UGGT1: variants seen among roughly 807,000 people sequenced by gnomAD.
UGGT1 encodes UDP-glucose:glycoprotein glucosyltransferase 1.
In UGGT1, 107 loss-of-function variants were observed where a neutral mutation model predicts 203.9. That is an observed-to-expected ratio of 0.52 (90% CI 0.45 to 0.62). UGGT1 has a LOEUF of 0.62. Ranked by LOEUF, UGGT1 falls within the 20% of genes least tolerant of loss-of-function variation. UGGT1 has a pLI of 0.00. For missense variants in UGGT1, 1,673 were observed against 1,867.2 expected, an observed-to-expected ratio of 0.90 and a Z score of 1.92; for synonymous variants, 628 against 653.5, an observed-to-expected ratio of 0.96 and a Z score of 0.59.
chr2:128,143,240 T>G lies in UGGT1; in HGVS notation c.1851+15T>G. On this transcript the variant is annotated intron_variant, in intron 17 of 40. Transcript: ENST00000259253. Reference sequence around the variant, plus strand: ...GGAATCGGAAGGTAAAAAATTTCTTTGTGTTTCTTATTTGATTGCAACATT... The same window carrying G: ...GGAATCGGAAGGTAAAAAATTTCTTGGTGTTTCTTATTTGATTGCAACATT... 6.2e-7 allele frequency: 1 copy of G among 1,612,440 alleles called. No individual in the cohort carries two copies. Among genetic ancestry groups the G allele is most frequent in the Non-Finnish European group, 8.5e-7 (1 of 1,179,256 alleles).
rs116732268 is a variant in UGGT1, at chr2:128,107,430, A to T, written c.278-508A>T. Reference sequence around the variant, plus strand: ...GTTTAGTTTTTGGAGTAGTTACCATATGCTAGGCATCATGGATATAAGGAT... The same window carrying T: ...GTTTAGTTTTTGGAGTAGTTACCATTTGCTAGGCATCATGGATATAAGGAT... On this transcript the variant is annotated intron_variant, in intron 3 of 40. Coordinates refer to ENST00000259253, the MANE Select transcript of UGGT1 (RefSeq NM_020120.4). Among the ~76,000 whole-genome samples the T allele has an allele frequency of 4.4e-3, 673 of 152,332 alleles. 2 individuals are homozygous for T. Among genetic ancestry groups the T allele is most frequent in the African/African-American group, 0.015 (639 of 41,564 alleles).
chr2:128,156,845 C>T (rs562042682), intron 21 of UGGT1, among the ~76,000 whole-genome samples: 2 of 152,330 alleles, frequency 1.3e-5, no homozygotes, highest in East Asian at 3.9e-4. Flanking sequence ...GCTAGGATTA[C>T]AGGCGTGAGC....
At chr2:128,136,039 TGAGGGAC>T (rs1689115888) in intron 15 of UGGT1, among the ~76,000 whole-genome samples, 1 of 152,104 alleles carries the variant, frequency 6.6e-6, no homozygotes, top group East Asian at 1.9e-4. Flanking sequence ...TTTCTTGAAT[TGAGGGAC>T]GAGAAGAGGG....
intron 3 of UGGT1, among the ~76,000 whole-genome samples, chr2:128,104,772 A>G (rs976752899): frequency 2.0e-5 from 3 of 152,040 alleles, no homozygotes; most frequent in Non-Finnish European, 4.4e-5. Flanking sequence ...TCAGCCTTGC[A>G]AGTAGCTGGG....
intron 8 of UGGT1, among the ~76,000 whole-genome samples, chr2:128,119,406 C>T (rs1688271421): frequency 6.6e-6 from 1 of 151,540 alleles, no homozygotes; most frequent in African/African-American, 2.4e-5. Context: ...GCACTCCAGC[C>T]TGGGCAACAA....
At chr2:128,093,007 T>A (rs1288511926) in intron 1 of UGGT1, among the ~76,000 whole-genome samples, 1 of 152,226 alleles carries the variant, frequency 6.6e-6, no homozygotes, top group Non-Finnish European at 1.5e-5. Flanking sequence ...TCCTATAAAA[T>A]GAAGACATAC....
chr2:128,138,115 A>G (rs898764629), intron 15 of UGGT1, among the ~76,000 whole-genome samples: 1 of 152,126 alleles, frequency 6.6e-6, no homozygotes, highest in African/African-American at 2.4e-5. Flanking sequence ...ATCTCTTAAA[A>G]CTATAGCAAC....
rs533751570 is a variant in UGGT1 at position 128,189,845 on chromosome 2, G to A, written c.*103G>A. Reference sequence around the variant, plus strand: ...ATACAACTGCTGATAAGCCGGCTGGGCAGGAGTGCCACACCTTTTGATTCT... The same window carrying A: ...ATACAACTGCTGATAAGCCGGCTGGACAGGAGTGCCACACCTTTTGATTCT... On this transcript the variant is annotated 3_prime_UTR_variant, in exon 41 of 41. Transcript: ENST00000259253. 7.5e-7 allele frequency: 1 copy of A among 1,339,254 alleles called. No homozygotes were observed. The highest frequency in any genetic ancestry group is 1.0e-6 in the Non-Finnish European group (1 of 954,450). 83.0% of individuals were successfully genotyped at this position (1,339,254 alleles called of 1,614,324 possible).
intron 1 of UGGT1, among the ~76,000 whole-genome samples, chr2:128,091,973 C>A (rs1045811214): frequency 6.6e-6 from 1 of 152,070 alleles, no homozygotes. Flanking sequence ...TGTTTTTGTT[C>A]CTTGGCCAGA....
rs571169249 is a variant in UGGT1 at position 128,091,859 on chromosome 2, A to G, written c.58+444A>G. On this transcript the variant is annotated intron_variant, in intron 1 of 40. Coordinates refer to ENST00000259253, the MANE Select transcript of UGGT1 (RefSeq NM_020120.4). ...GTATTGGTTACTGTTTTCTTTTAAC[A>G]CTGTGATCTGTTGGCTGGAAATTGG... 2.6e-5 allele frequency among the ~76,000 whole-genome samples: 4 copies of G among 152,310 alleles called. No individual in the cohort carries two copies. In the South Asian group the frequency reaches 6.2e-4, roughly 24 times the overall value.
At chr2:128,187,071 TTCTTA>T (rs999154369) in intron 39 of UGGT1, among the ~76,000 whole-genome samples, 1 of 150,940 alleles carries the variant, frequency 6.6e-6, no homozygotes, top group African/African-American at 2.5e-5. Flanking sequence ...CTTATAAATA[TTCTTA>T]TCTTATAGAA....
At chr2:128,181,172 A>G (rs1377922981) in intron 36 of UGGT1, 100 bp downstream of exon 36, 1 of 1,167,874 alleles carries the variant, frequency 8.6e-7, no homozygotes, top group African/African-American at 1.5e-5. Flanking sequence ...GGACATGCTT[A>G]TTTTACATTT....
chr2:128,177,023 G>C (rs1691428867), intron 32 of UGGT1, 125 bp downstream of exon 32: 3 of 827,490 alleles, frequency 3.6e-6, no homozygotes, highest in Non-Finnish European at 5.7e-6. Context: ...ACTGCTTTAA[G>C]GCAAAATGTC....
At chr2:128,111,326 C>G (rs7563728) in intron 5 of UGGT1, among the ~76,000 whole-genome samples, 136,890 of 152,044 alleles carry the variant, frequency 0.9, 62,405 homozygotes, top group Non-Finnish European at 0.98. Context: ...CTGCACTCTA[C>G]CTTGGGCAAC....
intron 3 of UGGT1, among the ~76,000 whole-genome samples, chr2:128,106,881 A>G (rs1485027544): frequency 6.6e-6 from 1 of 152,114 alleles, no homozygotes; most frequent in African/African-American, 2.4e-5. Context: ...GAGACGCACT[A>G]TGTTACCAAG....
chr2:128,128,987 CT>C (rs1688747383), intron 12 of UGGT1, 41 bp from the exon 13 acceptor site: 16 of 1,475,398 alleles, frequency 1.1e-5, no homozygotes, highest in Non-Finnish European at 1.2e-5. Flanking sequence ...TTTTTAAAAG[CT>C]TTTTTTCCTA....
rs73955906 is a variant in UGGT1, at chr2:128,110,345, G to A, written c.521+599G>A. On this transcript the variant is annotated intron_variant, in intron 5 of 40. Transcript: ENST00000259253. ...CCGTGATCTCTCCGTGGGGTTGGCCGGCCCTCTCAGTACTGCTAATGGCAG... is the reference window on the plus strand; with the variant it reads ...CCGTGATCTCTCCGTGGGGTTGGCCAGCCCTCTCAGTACTGCTAATGGCAG... Among the ~76,000 whole-genome samples, 1,447 of 152,168 alleles carry A rather than the reference G, an allele frequency of 9.5e-3. 23 individuals are homozygous for A. Among genetic ancestry groups the A allele is most frequent in the African/African-American group, 0.032 (1,321 of 41,522 alleles).
chr2:128,095,979 C>G (rs184763227), intron 1 of UGGT1, among the ~76,000 whole-genome samples: 3 of 152,290 alleles, frequency 2.0e-5, no homozygotes, highest in Admixed American at 2.0e-4. Flanking sequence ...CATATTCACA[C>G]CCCCTTTTAG....
chr2:128,138,528 A>G (rs977783204), intron 15 of UGGT1, among the ~76,000 whole-genome samples, 189 bp from the exon 16 acceptor site: 16 of 151,702 alleles, frequency 1.1e-4, no homozygotes, highest in African/African-American at 3.1e-4. Context: ...AAAAAAAAAA[A>G]CCTTTGTAAG....
Sources: gnomAD v4.1 joint callset for allele counts (sites outside exome capture counted in the v4.1 genomes callset) on GRCh38, gnomAD v4.1.1 for gene constraint, MANE v1.5 for transcripts, NCBI Gene and HGNC (gene_info 2026-07-23, HGNC 2026-07-21) for gene names.